The following DMD variants were observed in gnomAD, a reference collection of about 807,000 sequenced individuals.
The protein encoded by DMD is dystrophin, also known as mutant dystrophin.
A neutral mutation model predicts 330.1 loss-of-function variants in DMD; 63 were observed. The ratio of observed to expected loss-of-function variants is 0.19; its 90% CI spans 0.16 to 0.24. DMD has a LOEUF of 0.24. DMD is among the 10% of genes least tolerant of loss of function. The pLI, the probability that DMD is intolerant of heterozygous loss-of-function variation, is 1.00. For synonymous variants in DMD, 1,223 were observed against 959.8 expected (o/e 1.27, Z -5.07); for missense variants, 3,344 against 2,684.1 (o/e 1.25, Z -5.43).
intron 17 of DMD, among the ~76,000 whole-genome samples, chrX:32,543,616 G>A (rs1274308583): frequency 8.9e-6 from 1 of 112,011 alleles, no homozygotes; most frequent in Non-Finnish European, 1.9e-5. Context: ...CATCTTACTA[G>A]GAATAATAAA....
Position 32,452,304 on chromosome X carries a change from GGAAAGT to G in DMD, c.3603+2352_3603+2357del, listed in dbSNP as rs1194944157. Among the ~76,000 whole-genome samples the G allele has an allele frequency of 0.047, 1,108 of 23,786 alleles. 107 individuals are homozygous for G. The highest frequency in any genetic ancestry group is 0.097 in the African/African-American group (476 of 4,886). 20.7% of individuals were successfully genotyped at this position (23,786 alleles called of 115,157 possible). On this transcript the variant is annotated intron_variant, in intron 26 of 78. Coordinates refer to ENST00000357033, the MANE Select transcript of DMD (RefSeq NM_004006.3). ...AAAAGAAAGGAAAGGAAAAGGAAAG[GGAAAGT>G]GAAAGTGAAAGTGAAAGTGAAAGTG...
intron 44 of DMD, among the ~76,000 whole-genome samples, chrX:32,046,710 A>AT (rs202188105): frequency 0.016 from 1,782 of 111,128 alleles, 31 homozygotes; most frequent in African/African-American, 0.054. Flanking sequence ...ATTTAATGGC[A>AT]TTTTTTTTGT....
rs1475019166 is a variant in DMD at position 33,148,996 on chromosome X, CAG to C, written c.31+62284_31+62285del. On this transcript the variant is annotated intron_variant, in intron 1 of 78. Transcript: ENST00000357033. ...TAGTGGTCCCCAGCCTTTTTGGCAC[CAG>C]AGACTGGGGTTTGATGGATGACAAT... 2.7e-5 allele frequency among the ~76,000 whole-genome samples: 3 copies of C among 110,478 alleles called. No homozygotes were observed. In the East Asian group the frequency reaches 8.5e-4, roughly 31 times the overall value.
intron 44 of DMD, among the ~76,000 whole-genome samples, chrX:32,061,262 C>T (rs754469492): frequency 9.0e-6 from 1 of 110,770 alleles, no homozygotes; most frequent in African/African-American, 3.3e-5. Flanking sequence ...ATGTTTACTT[C>T]CTACACTGAA....
intron 60 of DMD, among the ~76,000 whole-genome samples, chrX:31,348,934 T>TA (rs1309001408): frequency 9.0e-6 from 1 of 111,694 alleles, no homozygotes. Context: ...ATTAGTACCA[T>TA]AAAAAAATAC....
intron 32 of DMD, among the ~76,000 whole-genome samples, chrX:32,388,014 A>T (rs190653726): frequency 1.5e-3 from 173 of 111,742 alleles, no homozygotes; most frequent in Non-Finnish European, 2.2e-3. Context: ...TGAAGGCAAG[A>T]CTATGATTAT....
intron 44 of DMD, among the ~76,000 whole-genome samples, chrX:32,052,832 C>T (rs2096127517): frequency 9.0e-6 from 1 of 111,175 alleles, no homozygotes; most frequent in Admixed American, 9.6e-5. Flanking sequence ...CCTTGAGCAG[C>T]AGGAGATGAA....
chrX:31,379,099 C>T (rs1437951241), intron 60 of DMD, among the ~76,000 whole-genome samples: 1 of 110,489 alleles, frequency 9.1e-6, no homozygotes, highest in Non-Finnish European at 1.9e-5. Context: ...TTCCCTCCCA[C>T]CTGTCCCCTC....
chrX:33,274,054 A>G (rs1315517000), intron 1 of DMD, among the ~76,000 whole-genome samples: 1 of 111,952 alleles, frequency 8.9e-6, no homozygotes, highest in East Asian at 2.8e-4. Flanking sequence ...CACAAGTAGG[A>G]TAAGCAATCA....
At chrX:33,041,135 A>G (rs761142518) in intron 1 of DMD, among the ~76,000 whole-genome samples, 19 of 113,498 alleles carry the variant, frequency 1.7e-4, no homozygotes, top group Non-Finnish European at 3.6e-4. Flanking sequence ...AGAGAATAAC[A>G]GTACCTTAAA....
intron 44 of DMD, among the ~76,000 whole-genome samples, chrX:32,017,868 A>C (rs913991447): frequency 2.7e-5 from 3 of 111,857 alleles, no homozygotes; most frequent in African/African-American, 9.8e-5. Context: ...CAAACTGTTG[A>C]AAATGTTTCA....
chrX:32,803,444 GT>G (rs1195500007), intron 7 of DMD, among the ~76,000 whole-genome samples: 1 of 107,534 alleles, frequency 9.3e-6, no homozygotes, highest in Non-Finnish European at 1.9e-5. Flanking sequence ...TTTTTTAAGG[GT>G]TTTTCGTGTC....
intron 44 of DMD, among the ~76,000 whole-genome samples, chrX:32,075,974 C>T (rs1295311151): frequency 2.1e-5 from 2 of 93,941 alleles, no homozygotes. Context: ...TTTGAGCCCA[C>T]GATGGGGAGG....
intron 62 of DMD, among the ~76,000 whole-genome samples, chrX:31,306,880 T>C (rs1030769597): frequency 1.8e-5 from 2 of 111,769 alleles, no homozygotes; most frequent in African/African-American, 3.2e-5. Context: ...CCAAGCAATA[T>C]TGATTTGCTA....
chrX:32,230,668 T>C (rs1286437159), intron 43 of DMD, among the ~76,000 whole-genome samples: 1 of 112,243 alleles, frequency 8.9e-6, no homozygotes, highest in African/African-American at 3.2e-5. Flanking sequence ...CAAGCAAACG[T>C]GAGTTTGAAA....
intron 1 of DMD, among the ~76,000 whole-genome samples, chrX:33,040,596 G>C (rs1332801886): frequency 2.7e-5 from 3 of 110,933 alleles, no homozygotes; most frequent in African/African-American, 9.8e-5. Flanking sequence ...GGTCTTTGAA[G>C]ACTGTAGTGT....
chrX:32,801,122 G>T (rs1241154381), intron 7 of DMD, among the ~76,000 whole-genome samples: 1 of 111,325 alleles, frequency 9.0e-6, no homozygotes. Flanking sequence ...CACAATGTTT[G>T]AACTAATTTA....
At chrX:32,915,209 C>T (rs2087682171) in intron 2 of DMD, among the ~76,000 whole-genome samples, 1 of 111,688 alleles carries the variant, frequency 9.0e-6, no homozygotes, top group East Asian at 2.8e-4. Context: ...CTTTCTAGTC[C>T]TTCAGTTGGT....
intron 42 of DMD, among the ~76,000 whole-genome samples, chrX:32,300,679 G>C (rs764229059): frequency 9.0e-6 from 1 of 111,181 alleles, no homozygotes; most frequent in South Asian, 3.7e-4. Flanking sequence ...GGCAAAGGGG[G>C]TTTTATAGAA....
Sources: gnomAD v4.1 joint callset for allele counts (sites outside exome capture counted in the v4.1 genomes callset) on GRCh38, gnomAD v4.1.1 for gene constraint, MANE v1.5 for transcripts, NCBI Gene and HGNC (gene_info 2026-07-23, HGNC 2026-07-21) for gene names.